The following MORN1 variants were observed in gnomAD, a reference collection of about 807,000 sequenced individuals.
MORN1 encodes MORN repeat-containing protein 1.
A neutral mutation model predicts 61.9 loss-of-function variants in MORN1; 67 were observed. The observed-to-expected ratio is 1.08, with a 90% CI of 0.89 to 1.33. MORN1 has a LOEUF of 1.33. MORN1 is among the 40% of genes most tolerant of loss of function. The pLI is 0.00. For missense variants in MORN1, 752 were observed against 691.2 expected, an observed-to-expected ratio of 1.09 and a Z score of -0.99; for synonymous variants, 301 against 292.0, an observed-to-expected ratio of 1.03 and a Z score of -0.31.
chr1:2,322,052 C>G (rs1640893235), intron 13 of MORN1: 1 of 985,308 alleles, frequency 1.0e-6, no homozygotes, highest in South Asian at 4.7e-5. Flanking sequence ...GTCTGGTTTG[C>G]TTTTGAAGCC....
chr1:2,323,201 G>A (rs1640922924), intron 13 of MORN1: 1 of 985,276 alleles, frequency 1.0e-6, no homozygotes, highest in African/African-American at 1.7e-5. Flanking sequence ...ACACCGCGTG[G>A]CACTCCAGCC....
At chr1:2,343,891 C>T (rs556291042) in intron 10 of MORN1, among the ~76,000 whole-genome samples, 23 of 151,424 alleles carry the variant, frequency 1.5e-4, no homozygotes, top group Non-Finnish European at 3.0e-4. Context: ...TGGAGGAAAC[C>T]GTGGTCCCAT....
chr1:2,342,872 T>TTTTATTTTTA (rs1641429778), intron 10 of MORN1, among the ~76,000 whole-genome samples: 1 of 85,730 alleles, frequency 1.2e-5, no homozygotes, highest in Non-Finnish European at 2.4e-5. Context: ...ATTTTATTTA[T>TTTTATTTTTA]TTTATTTTAT....
intron 12 of MORN1, among the ~76,000 whole-genome samples, chr1:2,328,440 G>A (rs1226362243): frequency 6.6e-6 from 1 of 152,186 alleles, no homozygotes; most frequent in Non-Finnish European, 1.5e-5. Context: ...GGGGTTCCAC[G>A]TGGCCTCTAG....
intron 8 of MORN1, among the ~76,000 whole-genome samples, chr1:2,370,872 T>C (rs987503804): frequency 6.6e-6 from 1 of 151,858 alleles, no homozygotes; most frequent in Non-Finnish European, 1.5e-5. Context: ...TTTTTTTTTT[T>C]AGGGATGGGG....
At chr1:2,351,869 TC>T in intron 10 of MORN1, 2 of 502,228 alleles carry the variant, frequency 4.0e-6, no homozygotes, top group East Asian at 4.9e-5. Context: ...CGACTGCCGT[TC>T]CCCCAGATCC....
At chr1:2,384,162 G>T (rs1436854874) in intron 6 of MORN1, among the ~76,000 whole-genome samples, 1 of 152,132 alleles carries the variant, frequency 6.6e-6, no homozygotes, top group African/African-American at 2.4e-5. Context: ...GGAGTGATCG[G>T]TGTTGCTTCT....
intron 3 of MORN1, 32 bp downstream of exon 3, chr1:2,388,207 G>T: frequency 6.5e-7 from 1 of 1,546,930 alleles, no homozygotes; most frequent in Non-Finnish European, 8.9e-7. Flanking sequence ...TTATGAGAAA[G>T]GAGTGAATGT....
At chr1:2,330,410 C>T (rs887790719) in intron 12 of MORN1, among the ~76,000 whole-genome samples, 4 of 152,196 alleles carry the variant, frequency 2.6e-5, no homozygotes, top group African/African-American at 4.8e-5. Context: ...CGGTGTCCTT[C>T]GTCCTCTGGG....
chr1:2,345,618 G>T (rs1641495888), intron 10 of MORN1, among the ~76,000 whole-genome samples: 1 of 152,198 alleles, frequency 6.6e-6, no homozygotes, highest in South Asian at 2.1e-4. Context: ...GGAGACGAAG[G>T]CACCCTAGCC....
Position 2,383,712 on chromosome 1 carries a change from C to T in MORN1, c.537+1266G>A, listed in dbSNP as rs532018176. ...GTTCCTATCTGTTAGTGCTGCTGGA[C>T]GCTCAGGGGGCCCCTCACAGCCCTT... On this transcript the variant is annotated intron_variant, in intron 6 of 13. Transcript: ENST00000378531. 4.5e-4 allele frequency among the ~76,000 whole-genome samples: 63 copies of T among 138,492 alleles called. No individual in the cohort carries two copies. In the South Asian group the frequency reaches 0.011, roughly 24 times the overall value. The allele number at this position is 138,492 out of a possible 152,430, so 90.9% of individuals were successfully genotyped here.
chr1:2,355,795 C>T (rs1272418181), intron 10 of MORN1, among the ~76,000 whole-genome samples: 1 of 152,224 alleles, frequency 6.6e-6, no homozygotes, highest in Admixed American at 6.5e-5. Flanking sequence ...CAGCCCTCAG[C>T]CCTGTCTCAC....
intron 10 of MORN1, among the ~76,000 whole-genome samples, chr1:2,356,877 T>A (rs1269911163): frequency 6.6e-6 from 1 of 152,184 alleles, no homozygotes; most frequent in East Asian, 1.9e-4. Flanking sequence ...TCTATGGAAG[T>A]GCAGTTCTCA....
At chr1:2,322,898 G>A (rs1013825937) in intron 13 of MORN1, 2 of 985,304 alleles carry the variant, frequency 2.0e-6, no homozygotes, top group East Asian at 1.1e-4. Flanking sequence ...TGGCCACCGT[G>A]CGGCAGGCCG....
chr1:2,359,246 G>A (rs932581794), intron 8 of MORN1, among the ~76,000 whole-genome samples: 2 of 152,166 alleles, frequency 1.3e-5, no homozygotes, highest in African/African-American at 4.8e-5. Context: ...TTGACCCGGG[G>A]GGATGGGCTC....
intron 10 of MORN1, among the ~76,000 whole-genome samples, chr1:2,354,095 GC>G (rs1641709284): frequency 6.6e-6 from 1 of 151,986 alleles, no homozygotes; most frequent in African/African-American, 2.4e-5. Context: ...GACCATCCTG[GC>G]CAACACGGCG....
intron 10 of MORN1, among the ~76,000 whole-genome samples, chr1:2,339,368 C>T (rs1188791724): frequency 6.6e-6 from 1 of 152,174 alleles, no homozygotes; most frequent in African/African-American, 2.4e-5. Context: ...TGAGAGACAG[C>T]GGTCCACCTC....
intron 12 of MORN1, among the ~76,000 whole-genome samples, chr1:2,335,846 C>CCCGGCCCGGCCCGGCCCGGCCCGGCCCG (rs370659459): frequency 1.3e-5 from 2 of 149,928 alleles, no homozygotes; most frequent in African/African-American, 5.1e-5. Flanking sequence ...CCCAGCCCAG[C>CCCGGCCCGGCCCGGCCCGGCCCGGCCCG]GCGCAGCTGC....
chr1:2,355,229 G>A, intron 10 of MORN1: 3 of 1,405,788 alleles, frequency 2.1e-6, no homozygotes, highest in Non-Finnish European at 1.9e-6. Context: ...ATGCGGTGTG[G>A]AACTGCTTCT....
Sources: gnomAD v4.1 joint callset for allele counts (sites outside exome capture counted in the v4.1 genomes callset) on GRCh38, gnomAD v4.1.1 for gene constraint, MANE v1.5 for transcripts, NCBI Gene and HGNC (gene_info 2026-07-23, HGNC 2026-07-21) for gene names.